The following SH2D1B variants were observed in gnomAD, a reference collection of about 807,000 sequenced individuals.
SH2D1B encodes the protein SH2 domain-containing protein 1B.
In SH2D1B, 11 loss-of-function variants were observed where a neutral mutation model predicts 16.3. The ratio of observed to expected loss-of-function variants is 0.67; its 90% CI spans 0.42 to 1.11. The LOEUF is 1.11. Ranked by LOEUF, SH2D1B falls within the 50% of genes most tolerant of loss-of-function variation. The pLI is 0.00. For synonymous variants in SH2D1B, 55 were observed against 56.1 expected (o/e 0.98, Z 0.09); for missense variants, 123 against 153.1 (o/e 0.80, Z 1.04).
intron 2 of SH2D1B, among the ~76,000 whole-genome samples, chr1:162,401,238 G>T (rs888728052): frequency 1.3e-5 from 2 of 152,166 alleles, no homozygotes; most frequent in Admixed American, 1.3e-4. Flanking sequence ...AGTTACAAAT[G>T]ATTTGGATGT....
intron 2 of SH2D1B, among the ~76,000 whole-genome samples, chr1:162,399,380 C>T (rs1168431411): frequency 6.6e-6 from 1 of 152,182 alleles, no homozygotes; most frequent in Non-Finnish European, 1.5e-5. Context: ...CTCGCAGATA[C>T]ACTGTGAAGG....
At chr1:162,410,781 C>A (rs1182384569) in intron 1 of SH2D1B, among the ~76,000 whole-genome samples, 1 of 151,628 alleles carries the variant, frequency 6.6e-6, no homozygotes, top group Non-Finnish European at 1.5e-5. Context: ...CTCAGCCTCC[C>A]AAATAGCTGG....
intron 3 of SH2D1B, among the ~76,000 whole-genome samples, chr1:162,398,506 G>C (rs1384155590): frequency 1.3e-5 from 2 of 152,136 alleles, no homozygotes; most frequent in Non-Finnish European, 2.9e-5. Context: ...GACATAATTT[G>C]ACACCCAGCA....
At chr1:162,410,193 T>C (rs953918336) in intron 1 of SH2D1B, among the ~76,000 whole-genome samples, 2 of 152,198 alleles carry the variant, frequency 1.3e-5, no homozygotes, top group Non-Finnish European at 2.9e-5. Flanking sequence ...CCCGGGCCTG[T>C]CTTCAGCTAC....
chr1:162,403,682 A>G (rs1014836247), intron 1 of SH2D1B, among the ~76,000 whole-genome samples: 1 of 133,834 alleles, frequency 7.5e-6, no homozygotes, highest in Non-Finnish European at 1.6e-5. Context: ...AACTTGATTA[A>G]TAGATGAATG....
intron 1 of SH2D1B, among the ~76,000 whole-genome samples, chr1:162,407,154 G>A (rs1374950797): frequency 1.3e-5 from 2 of 152,028 alleles, no homozygotes; most frequent in Admixed American, 6.6e-5. Flanking sequence ...CTGAAGTATC[G>A]GGGGAACCAG....
At position 162,411,928 on chromosome 1, in the gene SH2D1B, A is replaced by G. The variant is rs893610915; in HGVS notation, c.89T>C (p.Leu30Ser). 1.1e-5 allele frequency: 17 copies of G among 1,614,048 alleles called. No homozygotes were observed. Among genetic ancestry groups the G allele is most frequent in the Non-Finnish European group, 1.4e-5 (17 of 1,180,038 alleles). ...LKEGVDGNFL[L>S]RDSESIPGVL... ...TCCTGGTATCGACTCGCTGTCTCTT[A>G]AAAGAAAGTTGCCATCCACCCCTTC... Residue 30 changes from leucine to serine, a missense_variant, in exon 1 of 4, where the codon TTA becomes TCA. Leu to Ser is a moderately radical substitution (Grantham distance 145, BLOSUM62 -2). Transcript: ENST00000367929.
At chr1:162,403,024 T>A (rs936234335) in intron 1 of SH2D1B, among the ~76,000 whole-genome samples, 2 of 151,832 alleles carry the variant, frequency 1.3e-5, no homozygotes, top group African/African-American at 4.8e-5. Flanking sequence ...TTCTCCTGCC[T>A]CAGCCTCCTG....
intron 2 of SH2D1B, chr1:162,402,481 G>A (rs1251540175): frequency 7.1e-6 from 2 of 281,746 alleles, no homozygotes; most frequent in Non-Finnish European, 6.7e-6. Context: ...TCGCACCACT[G>A]CACTCCAGCC....
chr1:162,402,637 T>C (rs1648545722), intron 2 of SH2D1B, 102 bp downstream of exon 2: 9 of 960,996 alleles, frequency 9.4e-6, no homozygotes, highest in Non-Finnish European at 1.5e-5. Context: ...CTTTCCTTTT[T>C]AGAATGCTTT....
chr1:162,412,006 G>A lies in SH2D1B; in HGVS notation c.11C>T (p.Pro4Leu). 1.2e-6 allele frequency: 2 copies of A among 1,614,090 alleles called. No individual in the cohort carries two copies. Among genetic ancestry groups the A allele is most frequent in the Non-Finnish European group, 1.7e-6 (2 of 1,180,010 alleles). Residue 4 changes from proline (P) to leucine (L), a missense_variant, in exon 1 of 4, where the codon CCT becomes CTT. Pro to Leu is a moderately conservative substitution (Grantham distance 98). Transcript: ENST00000367929. MDL[P>L]YYHGRLTKQD... ...CTTGGTCAGACGTCCATGGTAGTAA[G>A]GCAGATCCATGGAGAACGCTCTTGT...
intron 2 of SH2D1B, 41 bp from the exon 3 acceptor site, chr1:162,399,128 A>G (rs367563613): frequency 8.3e-6 from 13 of 1,568,126 alleles, no homozygotes; most frequent in Non-Finnish European, 1.1e-5. Context: ...TTATCATGCA[A>G]TTGCGTGTGA....
intron 2 of SH2D1B, among the ~76,000 whole-genome samples, chr1:162,399,931 A>T (rs901574829): frequency 6.6e-6 from 1 of 152,098 alleles, no homozygotes; most frequent in Non-Finnish European, 1.5e-5. Context: ...CTCCATCTCA[A>T]GCTGGGGCTG....
At position 162,396,084 on chromosome 1, in the gene SH2D1B, T is replaced by C. The variant is rs1329172723; in HGVS notation, c.*1196A>G. 1 of 152,228 alleles carries C rather than the reference T, an allele frequency of 6.6e-6. No individual in the cohort carries two copies. The highest frequency in any genetic ancestry group is 1.5e-5 in the Non-Finnish European group (1 of 68,034). 9.4% of individuals were successfully genotyped at this position (152,228 alleles called of 1,614,324 possible). ...AGGGAATAGTAGCCATAAATTGCTGTGACCCCAAATCTCACAATGCTCCAC... is the reference window on the plus strand; with the variant it reads ...AGGGAATAGTAGCCATAAATTGCTGCGACCCCAAATCTCACAATGCTCCAC... On this transcript the variant is annotated 3_prime_UTR_variant, in exon 4 of 4. Transcript: ENST00000367929.
intron 3 of SH2D1B, 34 bp downstream of exon 3, chr1:162,398,887 AAG>A: frequency 1.3e-6 from 2 of 1,593,322 alleles, no homozygotes; most frequent in Non-Finnish European, 8.6e-7. Context: ...AAATAGGATT[AAG>A]ATTGCTTTCT....
chr1:162,408,919 G>A (rs895623986), intron 1 of SH2D1B, among the ~76,000 whole-genome samples: 3 of 151,990 alleles, frequency 2.0e-5, no homozygotes, highest in Non-Finnish European at 4.4e-5. Context: ...ATCAGCCTGG[G>A]CAACATAGCG....
At chr1:162,406,771 T>C (rs781658410) in intron 1 of SH2D1B, among the ~76,000 whole-genome samples, 1 of 152,232 alleles carries the variant, frequency 6.6e-6, no homozygotes. Flanking sequence ...AATGAGAGCA[T>C]GCAGTAGGTT....
intron 1 of SH2D1B, among the ~76,000 whole-genome samples, chr1:162,404,728 A>C (rs1648611509): frequency 6.6e-6 from 1 of 152,246 alleles, no homozygotes; most frequent in African/African-American, 2.4e-5. Flanking sequence ...AGTGAAACGC[A>C]GATTCAACTC....
At chr1:162,398,596 A>T (rs1648434852) in intron 3 of SH2D1B, among the ~76,000 whole-genome samples, 1 of 152,172 alleles carries the variant, frequency 6.6e-6, no homozygotes, top group African/African-American at 2.4e-5. Flanking sequence ...GGCTAGAGTG[A>T]TTTTCTCATT....
Sources: allele counts gnomAD v4.1 joint callset (sites outside exome capture counted in the v4.1 genomes callset), GRCh38; gene constraint gnomAD v4.1.1; transcripts MANE v1.5; gene names NCBI Gene and HGNC (gene_info 2026-07-23, HGNC 2026-07-21).